The following RNF207 variants were observed in gnomAD, a reference collection of about 807,000 sequenced individuals.
The protein encoded by RNF207 is ring finger protein 207.
Under a neutral mutation model 79.0 loss-of-function variants are expected in RNF207, and 72 were observed. The observed-to-expected ratio is 0.91, with a 90% CI of 0.75 to 1.11. RNF207 has a LOEUF of 1.11. RNF207 is among the 50% of genes least tolerant of loss of function. RNF207 has a pLI of 0.00. For missense variants in RNF207, 936 were observed against 855.8 expected (o/e 1.09, Z -1.17); for synonymous variants, 348 against 366.2 (o/e 0.95, Z 0.57).
In RNF207 at chr1:6,206,645, T is replaced by C. The variant is rs748183755; in HGVS notation, c.110T>C (p.Leu37Pro). ...LCHVQYERPC[L>P]LDCFHDFCAG... Reference sequence around the variant, plus strand: ...CACGTGCAGTACGAGCGCCCGTGTCTTCTGGACTGTTTCCACGACTTCTGT... The same window carrying C: ...CACGTGCAGTACGAGCGCCCGTGTCCTCTGGACTGTTTCCACGACTTCTGT... Residue 37 changes from leucine to proline, a missense_variant, in exon 2 of 18, where the codon CTT becomes CCT. Coordinates refer to ENST00000377939, the MANE Select transcript of RNF207 (RefSeq NM_207396.3). 6.2e-7 allele frequency: 1 copy of C among 1,608,156 alleles called. No homozygotes were observed. The highest frequency in any genetic ancestry group is 1.1e-5 in the South Asian group (1 of 91,072).
chr1:6,209,085 A>G, intron 4 of RNF207, 30 bp from the exon 5 acceptor site: 1 of 1,546,974 alleles, frequency 6.5e-7, no homozygotes, highest in Non-Finnish European at 8.7e-7. Flanking sequence ...CACTGACCGG[A>G]GCCCTCACCA....
rs115104637 is a variant in RNF207 at position 6,210,651 on chromosome 1, C to T, written c.942+213C>T. On this transcript the variant is annotated intron_variant, in intron 10 of 17. Coordinates refer to ENST00000377939, the MANE Select transcript of RNF207 (RefSeq NM_207396.3). ...GGAAGGGGGCATGAGCCTACAGTCC[C>T]CCGTGGGGCGGAGTGACCACTGGAG... 3.6e-3 allele frequency: 2,282 copies of T among 635,556 alleles called. 11 individuals are homozygous for T. Among genetic ancestry groups the T allele is most frequent in the Middle Eastern group, 8.5e-3 (20 of 2,356 alleles). 39.4% of individuals were successfully genotyped at this position (635,556 alleles called of 1,614,324 possible). A position where few individuals can be genotyped will look rare whatever the true frequency, so the allele number is the denominator to read the frequency against.
intron 3 of RNF207, chr1:6,208,089 G>A: frequency 4.2e-6 from 1 of 236,466 alleles, no homozygotes; most frequent in Non-Finnish European, 8.7e-6. Context: ...GGTAGGGCCT[G>A]TTATGTCCAT....
Position 6,219,219 on chromosome 1 carries a change from T to C in RNF207, c.1734-17T>C. On this transcript the variant is annotated splice_polypyrimidine_tract_variant and intron_variant, in intron 17 of 17. Coordinates refer to ENST00000377939, the MANE Select transcript of RNF207 (RefSeq NM_207396.3). ...AATGGGGGAGCGGGCTGGGCTTACA[T>C]GAGGCTGTCCCTTTAGGAATAATCC... 1 of 1,593,028 alleles carries C rather than the reference T, an allele frequency of 6.3e-7. No homozygotes were observed. The highest frequency in any genetic ancestry group is 1.1e-5 in the South Asian group (1 of 88,894).
At chr1:6,209,377 G>T in intron 6 of RNF207, 34 bp downstream of exon 6, 1 of 1,526,202 alleles carries the variant, frequency 6.6e-7, no homozygotes, top group Non-Finnish European at 8.8e-7. Context: ...GGGGCCGCGC[G>T]GCGGCGATCG....
In RNF207 at chr1:6,207,974, C is replaced by G. The variant is rs1667980672; in HGVS notation, c.324+463C>G. On this transcript the variant is annotated intron_variant, in intron 3 of 17. Coordinates refer to ENST00000377939, the MANE Select transcript of RNF207 (RefSeq NM_207396.3). The surrounding 1 kb of genome is among the most constrained non-coding windows in gnomAD (Gnocchi z 4.5). ...AGGCCAGAAAATGTATCGGGAATCCCAGGAGGACGGCCCGACTGGGGCAAA... is the reference window on the plus strand; with the variant it reads ...AGGCCAGAAAATGTATCGGGAATCCGAGGAGGACGGCCCGACTGGGGCAAA... 3.0e-6 allele frequency: 1 copy of G among 332,508 alleles called. No individual in the cohort carries two copies. The allele number at this position is 332,508 out of a possible 1,614,324, so 20.6% of individuals were successfully genotyped here.
intron 8 of RNF207, 108 bp downstream of exon 8, chr1:6,210,078 G>A: frequency 7.5e-7 from 1 of 1,342,278 alleles, no homozygotes; most frequent in East Asian, 2.3e-5. Flanking sequence ...ACATCCGAAT[G>A]TCCTCCCAGC....
Position 6,211,198 on chromosome 1 carries a change from C to A in RNF207, c.1109+80C>A. ...GAGGGTGGGCGCTGAGGGGCCAGAT[C>A]GCCAGCAAGAAGCCAGGTGCCACCA... On this transcript the variant is annotated intron_variant, in intron 12 of 17. Coordinates refer to ENST00000377939, the MANE Select transcript of RNF207 (RefSeq NM_207396.3). The surrounding 1 kb of genome is among the most constrained non-coding windows in gnomAD (Gnocchi z 4.2). The A allele has an allele frequency of 2.1e-6, 2 of 971,778 alleles. No individual in the cohort carries two copies. Among genetic ancestry groups the A allele is most frequent in the Non-Finnish European group, 3.0e-6 (2 of 659,926 alleles). The allele number at this position is 971,778 out of a possible 1,614,324, so 60.2% of individuals were successfully genotyped here.
chr1:6,209,334 G>A lies in RNF207; in HGVS notation c.618G>A (p.Gln206=). The change falls in exon 6 of 18, where the codon CAG becomes CAA. Residue 206 remains glutamine, a synonymous_variant. Transcript: ENST00000377939. ...TGCAGGGCTGCGAGCGGCTGGAGCA[G>A]GCGGTGCTGGTGAGCGCAGGGGCCT... ...AYVQGCERLE[Q]AVLAVKALQT... The A allele has an allele frequency of 6.5e-7, 1 of 1,544,760 alleles. No homozygotes were observed. Among genetic ancestry groups the A allele is most frequent in the East Asian group, 2.4e-5 (1 of 40,892 alleles).
chr1:6,206,635 C>T lies in RNF207; in HGVS notation c.100C>T (p.Arg34Cys). Residue 34 changes from arginine (R) to cysteine (C), a missense_variant, in exon 2 of 18, where the codon CGC (arginine) becomes TGC (cysteine). Transcript: ENST00000377939. The stretch of plus-strand genomic sequence containing the variant: ...CCCGCTGTGCCACGTGCAGTACGAG[C>T]GCCCGTGTCTTCTGGACTGTTTCCA... The part of the protein sequence containing the change: ...VCPLCHVQYE[R>C]PCLLDCFHDF... The T allele has an allele frequency of 6.2e-7, 1 of 1,608,140 alleles. No homozygotes were observed.
In RNF207 at chr1:6,207,822, G is replaced by C; in HGVS notation, c.324+311G>C. 1.8e-6 allele frequency: 1 copy of C among 566,590 alleles called. No homozygotes were observed. The highest frequency in any genetic ancestry group is 3.3e-6 in the Non-Finnish European group (1 of 300,034). The allele number at this position is 566,590 out of a possible 1,614,324, so 35.1% of individuals were successfully genotyped here. On this transcript the variant is annotated intron_variant, in intron 3 of 17. Transcript: ENST00000377939. The surrounding 1 kb of genome is among the most constrained non-coding windows in gnomAD (Gnocchi z 4.5). Reference sequence around the variant, plus strand: ...CACAGGAGGGGCAGTCCAGTTTGCAGGCCTGGGCCGACCCTGAAGGGCCTC... The same window carrying C: ...CACAGGAGGGGCAGTCCAGTTTGCACGCCTGGGCCGACCCTGAAGGGCCTC...
chr1:6,218,351 A>G lies in RNF207; in HGVS notation c.1715A>G (p.Asn572Ser), dbSNP rs764650323. 1 of 1,613,888 alleles carries G rather than the reference A, an allele frequency of 6.2e-7. No individual in the cohort carries two copies. The highest frequency in any genetic ancestry group is 2.2e-5 in the East Asian group (1 of 44,874). ...SLQNTHDDSR[N>S]NAASARNNPG... is the part of the protein sequence containing the mutation. The stretch of plus-strand genomic sequence containing the variant: ...CAGAACACGCACGACGACAGCAGGA[A>G]CAACGCGGCCTCAGCCAGGTAAAGC... The change falls in exon 17 of 18, where the codon AAC becomes AGC. Residue 572 changes from asparagine (N) to serine (S), a missense_variant. Physicochemically the swap from Asn to Ser is conservative, Grantham distance 46. Coordinates refer to ENST00000377939, the MANE Select transcript of RNF207 (RefSeq NM_207396.3).
Position 6,212,235 on chromosome 1 carries a change from T to A in RNF207, c.1301T>A (p.Leu434Gln). ...TCACACAGCCTCTCTGTGCAGCACCTGCAGGCAGAGATGCAGAGCCTAAAG... is the reference window on the plus strand; with the variant it reads ...TCACACAGCCTCTCTGTGCAGCACCAGCAGGCAGAGATGCAGAGCCTAAAG... ...CRHYEDSYRH[L>Q]QAEMQSLKDQ... is the part of the protein sequence containing the mutation. The change falls in exon 14 of 18, where the codon CTG becomes CAG. Residue 434 changes from leucine (L) to glutamine (Q), a missense_variant. By Grantham distance (113) the Leu-to-Gln change is moderately radical (BLOSUM62 -2). Transcript: ENST00000377939. 6.2e-7 allele frequency: 1 copy of A among 1,611,846 alleles called. No individual in the cohort carries two copies. The highest frequency in any genetic ancestry group is 8.5e-7 in the Non-Finnish European group (1 of 1,178,914).
chr1:6,210,968 G>A (rs904072890), intron 11 of RNF207, 30 bp downstream of exon 11: 21 of 1,597,644 alleles, frequency 1.3e-5, no homozygotes, highest in East Asian at 4.5e-5. Flanking sequence ...GGCCAGGGTC[G>A]GGGGCCCTGC....
chr1:6,220,240 C>T lies in RNF207; in HGVS notation c.*833C>T, dbSNP rs1283386961. On this transcript the variant is annotated 3_prime_UTR_variant, in exon 18 of 18. Coordinates refer to ENST00000377939, the MANE Select transcript of RNF207 (RefSeq NM_207396.3). ...GAAGTCTTCGTCCTTGTCACAGTAG[C>T]TTGGGATGACTCCCAGTCCACATGG... 1.3e-5 allele frequency: 2 copies of T among 152,224 alleles called. No individual in the cohort carries two copies. The highest frequency in any genetic ancestry group is 2.9e-5 in the Non-Finnish European group (2 of 68,054). The allele number at this position is 152,224 out of a possible 1,614,324, so 9.4% of individuals were successfully genotyped here.
rs113207430 is a variant in RNF207 at position 6,219,418 on chromosome 1, C to T, written c.*11C>T. On this transcript the variant is annotated 3_prime_UTR_variant, in exon 18 of 18. Coordinates refer to ENST00000377939, the MANE Select transcript of RNF207 (RefSeq NM_207396.3). ...GAACACCCGACTTAGCAAATGGGAC[C>T]GGTCCCCAGGGTCAGGCTCTTAGAG... The T allele has an allele frequency of 9.4e-6, 15 of 1,588,726 alleles. No individual in the cohort carries two copies. Among genetic ancestry groups the T allele is most frequent in the South Asian group, 7.9e-5 (7 of 88,510 alleles).
Position 6,207,813 on chromosome 1 carries a change from C to T in RNF207, c.324+302C>T. 1.7e-6 allele frequency: 1 copy of T among 594,082 alleles called. No homozygotes were observed. Among genetic ancestry groups the T allele is most frequent in the South Asian group, 1.6e-5 (1 of 63,626 alleles). 36.8% of individuals were successfully genotyped at this position (594,082 alleles called of 1,614,324 possible). A position where few individuals can be genotyped will look rare whatever the true frequency, so the allele number is the denominator to read the frequency against. On this transcript the variant is annotated intron_variant, in intron 3 of 17. Coordinates refer to ENST00000377939, the MANE Select transcript of RNF207 (RefSeq NM_207396.3). This position sits in a 1 kb window ranked among gnomAD's most constrained non-coding sequence, Gnocchi z 4.5. ...GTGGACCTGCACAGGAGGGGCAGTC[C>T]AGTTTGCAGGCCTGGGCCGACCCTG...
In RNF207 at chr1:6,211,245, C is replaced by G. The variant is rs1320787452; in HGVS notation, c.1109+127C>G. ...ACCATTCCTTCCTCCGTCCTTAGCT[C>G]GCCACCCTCCCAGCAGGGTGTCTGG... On this transcript the variant is annotated intron_variant, in intron 12 of 17. Coordinates refer to ENST00000377939, the MANE Select transcript of RNF207 (RefSeq NM_207396.3). The surrounding 1 kb of genome is among the most constrained non-coding windows in gnomAD (Gnocchi z 4.2). The G allele has an allele frequency of 6.1e-6, 4 of 656,074 alleles. No individual in the cohort carries two copies. The highest frequency in any genetic ancestry group is 2.6e-5 in the Admixed American group (1 of 37,952). 40.6% of individuals were successfully genotyped at this position (656,074 alleles called of 1,614,324 possible). A position where few individuals can be genotyped will look rare whatever the true frequency, so the allele number is the denominator to read the frequency against.
At position 6,217,744 on chromosome 1, in the gene RNF207, C is replaced by T. The variant is rs2100947183; in HGVS notation, c.1653-545C>T. ...ATGGCCAACCCTCCTACCCCTCCAG[C>T]CGCCATGAAGCCAGGAGTCCTTTAG... On this transcript the variant is annotated intron_variant, in intron 16 of 17. Coordinates refer to ENST00000377939, the MANE Select transcript of RNF207 (RefSeq NM_207396.3). This position sits in a 1 kb window ranked among gnomAD's most constrained non-coding sequence, Gnocchi z 4.2. Among the ~76,000 whole-genome samples the T allele has an allele frequency of 6.6e-6, 1 of 152,304 alleles. No individual in the cohort carries two copies. The highest frequency in any genetic ancestry group is 2.1e-4 in the South Asian group (1 of 4,820).
Sources: allele counts gnomAD v4.1 joint callset (sites outside exome capture counted in the v4.1 genomes callset), GRCh38; gene constraint gnomAD v4.1.1; non-coding constraint Gnocchi (gnomAD v3.1); transcripts MANE v1.5; gene names NCBI Gene and HGNC (gene_info 2026-07-23, HGNC 2026-07-21).